Variants in NBPF11 observed in about 807,000 individuals in gnomAD.
NBPF11 encodes NBPF family member NBPF11.
Under a neutral mutation model 93.9 loss-of-function variants are expected in NBPF11, and 72 were observed. The ratio of observed to expected loss-of-function variants is 0.77; its 90% confidence interval spans 0.63 to 0.93. The LOEUF is 0.93. Among genes scored for constraint, NBPF11 ranks in the 40% least tolerant of loss-of-function variants. The pLI, the probability that NBPF11 is intolerant of heterozygous loss-of-function variation, is 0.00. For synonymous variants in NBPF11, 224 were observed against 304.9 expected (o/e 0.73, Z 2.76); for missense variants, 705 against 802.2 (o/e 0.88, Z 1.46).
intron 7 of NBPF11, among the ~76,000 whole-genome samples, chr1:148,123,354 G>A (rs1363648870): frequency 2.6e-5 from 4 of 152,356 alleles, no homozygotes; most frequent in African/African-American, 4.8e-5. Context: ...ACGGAGAGGG[G>A]CTTCATCTCA....
intron 7 of NBPF11, 112 bp downstream of exon 7, chr1:148,123,741 A>C: frequency 6.2e-7 from 1 of 1,609,894 alleles, no homozygotes; most frequent in Non-Finnish European, 8.5e-7. Flanking sequence ...ATGGCCACAT[A>C]TGTGTAGTAG....
At chr1:148,135,870 T>C (rs1671195370) in intron 3 of NBPF11, 57 bp from the exon 4 acceptor site, 1 of 851,172 alleles carries the variant, frequency 1.2e-6, no homozygotes. Context: ...GTTTTACCAA[T>C]GAGACACTTT....
chr1:148,113,001 G>A (rs1665668857), intron 15 of NBPF11, among the ~76,000 whole-genome samples: 2 of 151,970 alleles, frequency 1.3e-5, no homozygotes, highest in African/African-American at 4.9e-5. Context: ...ACCGGTACCA[G>A]CCACTGCAAA....
chr1:148,139,217 C>T (rs1341071357), intron 2 of NBPF11, among the ~76,000 whole-genome samples: 1 of 150,878 alleles, frequency 6.6e-6, no homozygotes. Flanking sequence ...GCTCACCAGA[C>T]AAGGTTTGGT....
chr1:148,145,657 T>G (rs1354392246), intron 1 of NBPF11, among the ~76,000 whole-genome samples: 1 of 151,624 alleles, frequency 6.6e-6, no homozygotes, highest in Non-Finnish European at 1.5e-5. Flanking sequence ...GAGGCAGGTG[T>G]CACTTGAGCC....
Position 148,127,009 on chromosome 1 carries a change from C to T in NBPF11, c.-6G>A, listed in dbSNP as rs4592295. On this transcript the variant is annotated 5_prime_UTR_variant, in exon 5 of 24. Transcript: ENST00000682118. ...GGGCCGGCTGATACCACCATGCTGA[C>T]GTTTGTGGCAGAAGAGGTGGAGTCA... 6.1e-5 allele frequency: 42 copies of T among 687,452 alleles called. No homozygotes were observed. Among genetic ancestry groups the T allele is most frequent in the Middle Eastern group, 3.8e-4 (1 of 2,632 alleles). The allele number at this position is 687,452 out of a possible 1,614,324, so 42.6% of individuals were successfully genotyped here.
intron 17 of NBPF11, among the ~76,000 whole-genome samples, 153 bp downstream of exon 17, chr1:148,109,131 T>C (rs1207511982): frequency 1.3e-5 from 2 of 151,636 alleles, no homozygotes; most frequent in African/African-American, 2.4e-5. Context: ...CCTAAACATT[T>C]ACTCTAATGA....
chr1:148,110,309 G>A (rs1298067070), intron 16 of NBPF11, 69 bp downstream of exon 16: 8 of 1,554,326 alleles, frequency 5.1e-6, no homozygotes, highest in East Asian at 4.5e-5. Flanking sequence ...GGGGCACAAG[G>A]CCCAAAGATT....
intron 2 of NBPF11, among the ~76,000 whole-genome samples, chr1:148,140,054 G>A (rs1416334857): frequency 4.0e-5 from 6 of 151,786 alleles, no homozygotes; most frequent in African/African-American, 9.7e-5. Context: ...AACCCAAATA[G>A]TGTGAAGTTG....
In NBPF11 at chr1:148,122,118, A is replaced by T. The variant is rs3992690; in HGVS notation, c.715T>A (p.Ser239Thr). ...GAGGATTCTCTGTCTACAACCAGAGATGAGTTGACTTTGTCTTCCTCAAAT... is the reference window on the plus strand; with the variant it reads ...GAGGATTCTCTGTCTACAACCAGAGTTGAGTTGACTTTGTCTTCCTCAAAT... ...ITFEEDKVNS[S>T]LVVDRESSHD... Residue 239 changes from serine to threonine, a missense_variant, in exon 9 of 24, where the codon TCT becomes ACT. Physicochemically the swap from Ser to Thr is moderately conservative, Grantham distance 58. This residue lies in a region of NBPF11 where 262 missense variants were observed against 223.1 expected (regional missense o/e 1.17). Coordinates refer to ENST00000682118, the MANE Select transcript of NBPF11 (RefSeq NM_001385469.3). 5 of 1,613,430 alleles carry T rather than the reference A, an allele frequency of 3.1e-6. No homozygotes were observed. The highest frequency in any genetic ancestry group is 4.2e-6 in the Non-Finnish European group (5 of 1,179,570).
intron 14 of NBPF11, among the ~76,000 whole-genome samples, chr1:148,114,895 C>T (rs1444153894): frequency 6.6e-6 from 1 of 151,488 alleles, no homozygotes. Flanking sequence ...ATTTGAACAA[C>T]TCTTGCTTTA....
chr1:148,118,485 G>C (rs1667081011), intron 11 of NBPF11, 135 bp downstream of exon 11: 3 of 750,102 alleles, frequency 4.0e-6, no homozygotes, highest in Non-Finnish European at 7.1e-6. Context: ...ATAAATATTT[G>C]TGTGTAGCAA....
intron 1 of NBPF11, among the ~76,000 whole-genome samples, chr1:148,150,567 CAAAA>C (rs1330728519): frequency 6.6e-6 from 1 of 151,262 alleles, no homozygotes; most frequent in Non-Finnish European, 1.5e-5. Context: ...AATTTAAAAA[CAAAA>C]AGAAAGCTAT....
rs1240481690 is a variant in NBPF11, at chr1:148,104,198, C to A, written c.2582-286G>T. On this transcript the variant is annotated intron_variant, in intron 23 of 23. Coordinates refer to ENST00000682118, the MANE Select transcript of NBPF11 (RefSeq NM_001385469.3). ...CCAGGTGACATACTGGTAAGGGAGT[C>A]AAAGGACACTCTGACTTAGTGCCCT... Among the ~76,000 whole-genome samples the A allele has an allele frequency of 1.4e-4, 20 of 144,332 alleles. 1 individual carries two copies. The highest frequency in any genetic ancestry group is 4.0e-4 in the African/African-American group (15 of 37,338). The allele number at this position is 144,332 out of a possible 152,430, so 94.7% of individuals were successfully genotyped here.
At chr1:148,143,715 TA>T (rs1672548949) in intron 1 of NBPF11, 29 bp from the exon 2 acceptor site, 1 of 156,558 alleles carries the variant, frequency 6.4e-6, no homozygotes, top group African/African-American at 2.5e-5. Flanking sequence ...AAATCAAGGT[TA>T]ACATTGAGAT....
chr1:148,131,511 A>G (rs1670335509), intron 4 of NBPF11, among the ~76,000 whole-genome samples: 1 of 149,960 alleles, frequency 6.7e-6, no homozygotes, highest in Non-Finnish European at 1.5e-5. Flanking sequence ...AGATTAAAAG[A>G]AGTTAATCAC....
At chr1:148,123,631 A>T (rs1668413008) in intron 7 of NBPF11, among the ~76,000 whole-genome samples, 1 of 151,726 alleles carries the variant, frequency 6.6e-6, no homozygotes, top group African/African-American at 2.4e-5. Flanking sequence ...TGCTCCAAAG[A>T]CCACCTTCCA....
In NBPF11 at chr1:148,126,955, T is replaced by G. The variant is rs1553273303; in HGVS notation, c.49A>C (p.Ile17Leu). Residue 17 changes from isoleucine (I) to leucine (L), a missense_variant, in exon 5 of 24, where the codon ATT becomes CTT. By Grantham distance (5) the Ile-to-Leu change is conservative. This residue lies in a region of NBPF11 where 128 missense variants were observed against 112.8 expected (regional missense o/e 1.14). Coordinates refer to ENST00000682118, the MANE Select transcript of NBPF11 (RefSeq NM_001385469.3). ...CGCAATTTCTCGTTGATTTCTAGAA[T>G]GTTCATCTCTGCCTTCTCGCTGGAC... ...PWSSEKAEMNILEINEKLRPQ... is the reference protein window; with the variant it reads ...PWSSEKAEMNLLEINEKLRPQ... 3 of 864,778 alleles carry G rather than the reference T, an allele frequency of 3.5e-6. No individual in the cohort carries two copies. The highest frequency in any genetic ancestry group is 4.0e-5 in the African/African-American group (2 of 49,640). 53.6% of individuals were successfully genotyped at this position (864,778 alleles called of 1,614,324 possible).
At chr1:148,111,160 C>T (rs1665163458) in intron 15 of NBPF11, among the ~76,000 whole-genome samples, 2 of 151,504 alleles carry the variant, frequency 1.3e-5, no homozygotes, top group East Asian at 2.0e-4. Context: ...AGCTGAGGGA[C>T]CTGACTGTTA....
Sources: allele counts gnomAD v4.1 joint callset (sites outside exome capture counted in the v4.1 genomes callset), GRCh38; gene constraint gnomAD v4.1.1; regional missense constraint gnomAD v4.1.1; transcripts MANE v1.5; gene names NCBI Gene and HGNC (gene_info 2026-07-23, HGNC 2026-07-21).